Variants in RBBP5 observed in about 807,000 individuals in gnomAD.
RBBP5 encodes RB binding protein 5, histone lysine methyltransferase complex subunit.
RBBP5 carries 5 observed loss-of-function variants against 72.2 expected under a neutral mutation model. That is an observed-to-expected ratio of 0.07 (90% CI 0.04 to 0.15). The LOEUF (loss-of-function observed/expected upper bound fraction) is 0.15, where lower values mean the gene tolerates loss of function less well. Ranked by LOEUF, RBBP5 falls within the 10% of genes least tolerant of loss-of-function variation. The pLI, the probability that RBBP5 is intolerant of heterozygous loss-of-function variation, is 1.00. For missense variants in RBBP5, 322 were observed against 652.2 expected (o/e 0.49, Z 5.51); for synonymous variants, 209 against 237.2 (o/e 0.88, Z 1.09).
chr1:205,096,990 C>T (rs756255735), intron 11 of RBBP5, 79 bp from the exon 12 acceptor site: 56 of 1,267,772 alleles, frequency 4.4e-5, no homozygotes, highest in Non-Finnish European at 6.1e-5. Context: ...CCTCTATCAC[C>T]TATATTAAGC....
In RBBP5 at chr1:205,112,084, A is replaced by G. The variant is rs137952168; in HGVS notation, c.218+2705T>C. On this transcript the variant is annotated intron_variant, in intron 3 of 13. Transcript: ENST00000264515. ...TGCAATCCTAACAGTTTGGGAGGCC[A>G]AGGCAAGCAGATTACCTGAGGTCAG... Among the ~76,000 whole-genome samples the G allele has an allele frequency of 1.1e-3, 171 of 152,234 alleles. 1 individual carries two copies. The highest frequency in any genetic ancestry group is 3.8e-3 in the African/African-American group (159 of 41,558).
chr1:205,088,892 T>C (rs1032905047), intron 13 of RBBP5, 77 bp from the exon 14 acceptor site: 3 of 1,326,046 alleles, frequency 2.3e-6, no homozygotes, highest in African/African-American at 3.0e-5. Context: ...AAATACTGAA[T>C]GCTGGATGAT....
chr1:205,104,076 C>A (rs1655953042), intron 4 of RBBP5, 57 bp from the exon 5 acceptor site: 2 of 1,568,708 alleles, frequency 1.3e-6, no homozygotes, highest in Middle Eastern at 1.7e-4. Flanking sequence ...CAAGCTGATT[C>A]CCTGTCCTTT....
chr1:205,089,843 ATTTAT>A (rs1655271833), intron 13 of RBBP5, among the ~76,000 whole-genome samples: 1 of 151,954 alleles, frequency 6.6e-6, no homozygotes, highest in African/African-American at 2.4e-5. Flanking sequence ...TTGATTTTTT[ATTTAT>A]TTTATTTATT....
chr1:205,093,465 A>C (rs1173755453), intron 13 of RBBP5, among the ~76,000 whole-genome samples: 2 of 9,826 alleles, frequency 2.0e-4, no homozygotes, highest in African/African-American at 3.0e-4. Context: ...TTTCAAAAAA[A>C]AAAAAAAAAA....
At chr1:205,114,736 A>G in intron 3 of RBBP5, 53 bp downstream of exon 3, 1 of 1,384,296 alleles carries the variant, frequency 7.2e-7, no homozygotes, top group Non-Finnish European at 9.7e-7. Flanking sequence ...TTGCAAATAT[A>G]TAGTCATCAT....
chr1:205,098,775 G>T (rs551130060), intron 10 of RBBP5, among the ~76,000 whole-genome samples: 1 of 150,646 alleles, frequency 6.6e-6, no homozygotes, highest in East Asian at 2.0e-4. Flanking sequence ...AACCCAGGGG[G>T]CAGAGGTTGC....
chr1:205,108,444 T>G (rs1395334465), intron 3 of RBBP5, among the ~76,000 whole-genome samples: 1 of 152,162 alleles, frequency 6.6e-6, no homozygotes, highest in South Asian at 2.1e-4. Context: ...CAATACAACT[T>G]ATCACCAGTA....
At chr1:205,107,103 T>C (rs936865572) in intron 3 of RBBP5, among the ~76,000 whole-genome samples, 1 of 147,350 alleles carries the variant, frequency 6.8e-6, no homozygotes, top group Admixed American at 6.8e-5. Flanking sequence ...CACACACACA[T>C]ATGTATCTAT....
At chr1:205,120,560 T>C (rs561038828) in intron 1 of RBBP5, among the ~76,000 whole-genome samples, 2 of 152,272 alleles carry the variant, frequency 1.3e-5, no homozygotes, top group Admixed American at 1.3e-4. Flanking sequence ...GGTGAGTGGA[T>C]TGCTTGGGGC....
intron 3 of RBBP5, among the ~76,000 whole-genome samples, chr1:205,110,872 T>C (rs1363214902): frequency 1.3e-5 from 2 of 152,178 alleles, no homozygotes; most frequent in Admixed American, 6.5e-5. Flanking sequence ...AAGACTGGCC[T>C]GGCCAACATG....
At chr1:205,096,605 G>T (rs11577406) in intron 12 of RBBP5, 77 bp downstream of exon 12, 529,728 of 1,361,164 alleles carry the variant, frequency 0.39, 112,562 homozygotes, top group Non-Finnish European at 0.45. Flanking sequence ...CGCTCAAACA[G>T]GAAATTACCA....
intron 3 of RBBP5, among the ~76,000 whole-genome samples, chr1:205,110,679 C>T (rs1656276848): frequency 6.6e-6 from 1 of 152,078 alleles, no homozygotes; most frequent in African/African-American, 2.4e-5. Context: ...AGAATATATT[C>T]CACACTCTTT....
chr1:205,118,064 C>T lies in RBBP5; in HGVS notation c.20-2181G>A, dbSNP rs757088588. Among the ~76,000 whole-genome samples, 93 of 152,102 alleles carry T rather than the reference C, an allele frequency of 6.1e-4. 1 individual carries two copies. The highest frequency in any genetic ancestry group is 1.2e-3 in the Non-Finnish European group (84 of 68,002). ...ACCTCAGGTGATCCACCCACTCTGG[C>T]CTCCCAAAGTGCTGGGATTACAGGC... On this transcript the variant is annotated intron_variant, in intron 1 of 13. Coordinates refer to ENST00000264515, the MANE Select transcript of RBBP5 (RefSeq NM_005057.4).
Position 205,096,668 on chromosome 1 carries a change from G to A in RBBP5, c.1396+14C>T, listed in dbSNP as rs952617541. On this transcript the variant is annotated intron_variant, in intron 12 of 13. Coordinates refer to ENST00000264515, the MANE Select transcript of RBBP5 (RefSeq NM_005057.4). ...GGCGTCTGCCAGGCCAGAGGGAGAA[G>A]ATGTAGCTCTTACCATCATTTGGTA... is the stretch of plus-strand genomic sequence containing the variant. The A allele has an allele frequency of 3.1e-6, 5 of 1,610,036 alleles. No individual in the cohort carries two copies. The highest frequency in any genetic ancestry group is 1.1e-5 in the South Asian group (1 of 90,760).
intron 10 of RBBP5, 53 bp from the exon 11 acceptor site, chr1:205,097,448 T>C (rs1398830273): frequency 6.7e-7 from 1 of 1,495,406 alleles, no homozygotes; most frequent in Non-Finnish European, 9.1e-7. Flanking sequence ...AACTGCTTTT[T>C]ATTTGCAGCT....
In RBBP5 at chr1:205,093,591, C is replaced by G. The variant is rs527846278; in HGVS notation, c.1588+1282G>C. Among the ~76,000 whole-genome samples, 11 of 139,888 alleles carry G rather than the reference C, an allele frequency of 7.9e-5. No individual in the cohort carries two copies. The South Asian group carries it at 2.1e-3, about 27-fold the overall frequency. 91.8% of individuals were successfully genotyped at this position (139,888 alleles called of 152,430 possible). A position where few individuals can be genotyped will look rare whatever the true frequency, so the allele number is the denominator to read the frequency against. On this transcript the variant is annotated intron_variant, in intron 13 of 13. Coordinates refer to ENST00000264515, the MANE Select transcript of RBBP5 (RefSeq NM_005057.4). ...ACACAGCATTATATGTATATATACA[C>G]AAACACAGCCTTAGGTGGGTTGAAT...
chr1:205,101,470 T>C lies in RBBP5; in HGVS notation c.632+130A>G, dbSNP rs116352268. 18 of 595,132 alleles carry C rather than the reference T, an allele frequency of 3.0e-5. No homozygotes were observed. In the East Asian group the frequency reaches 5.6e-4, roughly 19 times the overall value. The allele number at this position is 595,132 out of a possible 1,614,324, so 36.9% of individuals were successfully genotyped here. On this transcript the variant is annotated intron_variant, in intron 6 of 13. Transcript: ENST00000264515. ...GAACTCGAAAACCAGATATTGTAAGTTTCTAAAAACCTTAAGTACATTTTT... is the reference window on the plus strand; with the variant it reads ...GAACTCGAAAACCAGATATTGTAAGCTTCTAAAAACCTTAAGTACATTTTT...
intron 1 of RBBP5, among the ~76,000 whole-genome samples, chr1:205,119,511 C>CTA (rs1656656780): frequency 6.6e-6 from 1 of 152,166 alleles, no homozygotes; most frequent in African/African-American, 2.4e-5. Flanking sequence ...CTAGCGTTAT[C>CTA]ACCTTTCTTC....
Sources: gnomAD v4.1 joint callset for allele counts (sites outside exome capture counted in the v4.1 genomes callset) on GRCh38, gnomAD v4.1.1 for gene constraint, MANE v1.5 for transcripts, NCBI Gene and HGNC (gene_info 2026-07-23, HGNC 2026-07-21) for gene names.